The following ZMYM6 variants were observed in gnomAD, a reference collection of about 807,000 sequenced individuals.
ZMYM6 encodes zinc finger MYM-type protein 6.
A neutral mutation model predicts 134.0 loss-of-function variants in ZMYM6; 90 were observed. The observed-to-expected ratio is 0.67, with a 90% confidence interval of 0.57 to 0.80. The LOEUF (loss-of-function observed/expected upper bound fraction) is 0.80, where lower values mean the gene tolerates loss of function less well. Among genes scored for constraint, ZMYM6 ranks in the 30% least tolerant of loss-of-function variants. The pLI, the probability that ZMYM6 is intolerant of heterozygous loss-of-function variation, is 0.00. For missense variants in ZMYM6, 1,362 were observed against 1,533.9 expected, an observed-to-expected ratio of 0.89 and a Z score of 1.87; for synonymous variants, 481 against 524.1, an observed-to-expected ratio of 0.92 and a Z score of 1.12.
intron 4 of ZMYM6, among the ~76,000 whole-genome samples, chr1:35,015,723 C>CAAAAAAAAAAAAA (rs1331400824): frequency 2.0e-5 from 1 of 51,196 alleles, no homozygotes; most frequent in African/African-American, 1.4e-4. Flanking sequence ...GACTCCATCT[C>CAAAAAAAAAAAAA]AAAAAAAAAA....
intron 12 of ZMYM6, among the ~76,000 whole-genome samples, chr1:35,006,642 A>C (rs1640971728): frequency 6.6e-6 from 1 of 152,202 alleles, no homozygotes; most frequent in African/African-American, 2.4e-5. Context: ...ACTAAATAGT[A>C]TATATCCCTA....
In ZMYM6 at chr1:35,025,485, AAAAG is replaced by A. The variant is rs1557589405; in HGVS notation, c.94-5022_94-5019del. On this transcript the variant is annotated intron_variant, in intron 2 of 15. Transcript: ENST00000357182. The stretch of plus-strand genomic sequence containing the variant: ...CCATCCCAAAAAAAAAAAAAAAAAA[AAAAG>A]AAAGAAAAAAAAAAGGTGGCACAAA... 2.7e-5 allele frequency among the ~76,000 whole-genome samples: 4 copies of A among 150,164 alleles called. No homozygotes were observed. The South Asian group carries it at 8.4e-4, about 31-fold the overall frequency.
In ZMYM6 at chr1:35,019,193, T is replaced by C. The variant is rs1641259165; in HGVS notation, c.428+160A>G. The C allele has an allele frequency of 3.9e-6, 4 of 1,031,544 alleles. No individual in the cohort carries two copies. In the East Asian group the frequency reaches 7.8e-5, roughly 20 times the overall value. 63.9% of individuals were successfully genotyped at this position (1,031,544 alleles called of 1,614,324 possible). Reference sequence around the variant, plus strand: ...TTCTAACACCAAGTCACTTATTTAATGTTGCAAAACTTTAAAATTGGTGAA... The same window carrying C: ...TTCTAACACCAAGTCACTTATTTAACGTTGCAAAACTTTAAAATTGGTGAA... On this transcript the variant is annotated intron_variant, in intron 4 of 15. Transcript: ENST00000357182.
At chr1:35,019,295 A>G in intron 4 of ZMYM6, 58 bp downstream of exon 4, 2 of 1,609,020 alleles carry the variant, frequency 1.2e-6, no homozygotes, top group South Asian at 1.1e-5. Context: ...TGTTTGAACT[A>G]AACAATATAC....
chr1:34,988,773 A>T lies in ZMYM6; in HGVS notation c.2309T>A (p.Ile770Asn). 2 of 1,551,784 alleles carry T rather than the reference A, an allele frequency of 1.3e-6. No individual in the cohort carries two copies. The highest frequency in any genetic ancestry group is 2.7e-5 in the African/African-American group (2 of 73,186). Residue 770 changes from isoleucine (I) to asparagine (N), a missense_variant, in exon 16 of 16, where the codon ATT becomes AAT. Physicochemically the swap from Ile to Asn is moderately radical, Grantham distance 149 (BLOSUM62 -3). Transcript: ENST00000357182. ...TTCACTGGATAAGATCTCTCCACAA[A>T]TGACACACTGTGGCCTTGGTGAACT... The part of the protein sequence containing the change: ...KESSPRPQCV[I>N]CGEILSSENM...
At chr1:35,028,105 G>C (rs955398543) in intron 2 of ZMYM6, among the ~76,000 whole-genome samples, 1 of 152,032 alleles carries the variant, frequency 6.6e-6, no homozygotes, top group Non-Finnish European at 1.5e-5. Flanking sequence ...CTTGAGGTCA[G>C]GAGTTTTGAG....
chr1:34,987,766 C>T lies in ZMYM6; in HGVS notation c.3316G>A (p.Asp1106Asn), dbSNP rs1208554670. ...KHSDLAKYFHDEEWVGKLAYL... is the reference protein window; with the variant it reads ...KHSDLAKYFHNEEWVGKLAYL... Reference sequence around the variant, plus strand: ...GCCAGCTTTCCAACCCATTCCTCATCATGAAAATACTTGGCCAAATCTGAA... The same window carrying T: ...GCCAGCTTTCCAACCCATTCCTCATTATGAAAATACTTGGCCAAATCTGAA... The change falls in exon 16 of 16, where the codon GAT becomes AAT. Residue 1106 changes from aspartate (D) to asparagine (N), a missense_variant. Coordinates refer to ENST00000357182, the MANE Select transcript of ZMYM6 (RefSeq NM_007167.4). 1 of 1,551,492 alleles carries T rather than the reference C, an allele frequency of 6.4e-7. No homozygotes were observed. The highest frequency in any genetic ancestry group is 2.4e-5 in the East Asian group (1 of 40,914).
At chr1:35,007,688 C>A (rs10158530) in intron 11 of ZMYM6, among the ~76,000 whole-genome samples, 11,988 of 151,982 alleles carry the variant, frequency 0.079, 906 homozygotes, top group East Asian at 0.38. Context: ...CCCACCTCTC[C>A]TGGTTACTCG....
At chr1:35,015,743 A>AAAATATATAT in intron 4 of ZMYM6, among the ~76,000 whole-genome samples, 1 of 106,476 alleles carries the variant, frequency 9.4e-6, no homozygotes, top group African/African-American at 6.6e-5. Flanking sequence ...AAAAAAAAAA[A>AAAATATATAT]ATATATATAT....
At chr1:35,013,467 A>G (rs1641125532) in intron 6 of ZMYM6, 1 of 984,892 alleles carries the variant, frequency 1.0e-6, no homozygotes, top group Non-Finnish European at 1.2e-6. Context: ...TAACAAAATT[A>G]GAAATGGAAC....
In ZMYM6 at chr1:35,014,406, C is replaced by T. The variant is rs190873520; in HGVS notation, c.795+291G>A. On this transcript the variant is annotated intron_variant, in intron 6 of 15. Coordinates refer to ENST00000357182, the MANE Select transcript of ZMYM6 (RefSeq NM_007167.4). ...TGGCTTGAGCTCAGGAGTTCAACAC[C>T]GGCCTGAGCAACATGGCAAAACCCT... 3.3e-3 allele frequency among the ~76,000 whole-genome samples: 503 copies of T among 152,048 alleles called. 10 individuals carry two copies. Among genetic ancestry groups the T allele is most frequent in the Admixed American group, 0.031 (474 of 15,270 alleles).
intron 15 of ZMYM6, among the ~76,000 whole-genome samples, chr1:34,990,533 C>G (rs1018627263): frequency 3.3e-5 from 5 of 152,048 alleles, no homozygotes; most frequent in African/African-American, 1.2e-4. Context: ...ATCAACACTT[C>G]CACTGATTAG....
intron 12 of ZMYM6, 63 bp from the exon 13 acceptor site, chr1:35,005,335 A>C: frequency 9.2e-6 from 14 of 1,523,492 alleles, no homozygotes; most frequent in South Asian, 1.2e-5. Flanking sequence ...ATACACACTC[A>C]CACTCACACA....
chr1:35,004,886 C>T (rs1040940315), intron 13 of ZMYM6, among the ~76,000 whole-genome samples: 3 of 151,918 alleles, frequency 2.0e-5, no homozygotes, highest in African/African-American at 7.3e-5. Context: ...GGTGAAATCC[C>T]GTCTCTACTA....
At chr1:34,999,168 A>ATTC (rs1640837755) in intron 14 of ZMYM6, among the ~76,000 whole-genome samples, 1 of 152,202 alleles carries the variant, frequency 6.6e-6, no homozygotes, top group African/African-American at 2.4e-5. Flanking sequence ...GACTGAGAAA[A>ATTC]GGGCCAAGTA....
intron 2 of ZMYM6, among the ~76,000 whole-genome samples, chr1:35,025,377 G>C (rs1439266009): frequency 1.4e-5 from 2 of 144,184 alleles, no homozygotes; most frequent in Admixed American, 1.5e-4. Flanking sequence ...TGAGGCAGGA[G>C]AACTGCGTGA....
At chr1:35,017,791 T>A (rs1028360339) in intron 4 of ZMYM6, 1 of 152,156 alleles carries the variant, frequency 6.6e-6, no homozygotes, top group Non-Finnish European at 1.5e-5. Context: ...AAGATAAGAA[T>A]CTGTCTCCTA....
rs1206039724 is a variant in ZMYM6 at position 34,987,924 on chromosome 1, A to T, written c.3158T>A (p.Leu1053Ter). The change falls in exon 16 of 16, where the codon TTG (leucine) becomes TAG (stop). Residue 1053 changes from leucine to a stop codon, truncating the protein, a stop_gained. Coordinates refer to ENST00000357182, the MANE Select transcript of ZMYM6 (RefSeq NM_007167.4). LOFTEE classifies it high-confidence loss of function. ...NALNSRMLTI[L>*]CEEMGSEHVS... ...ATGCTCAGATCCCATCTCTTCACAC[A>T]AAATTGTTAACATACGTGAATTTAA... 7.7e-6 allele frequency: 12 copies of T among 1,551,700 alleles called. No individual in the cohort carries two copies. Among genetic ancestry groups the T allele is most frequent in the Non-Finnish European group, 1.0e-5 (12 of 1,146,988 alleles).
chr1:35,008,992 C>T, intron 10 of ZMYM6, 68 bp from the exon 11 acceptor site: 1 of 1,508,038 alleles, frequency 6.6e-7, no homozygotes, highest in South Asian at 1.3e-5. Flanking sequence ...TAATAAGTTT[C>T]TGTGGTCTTA....
Sources: allele counts gnomAD v4.1 joint callset (sites outside exome capture counted in the v4.1 genomes callset), GRCh38; gene constraint gnomAD v4.1.1; transcripts MANE v1.5; gene names NCBI Gene and HGNC (gene_info 2026-07-23, HGNC 2026-07-21).